Variants in GRIN3B observed in about 807,000 individuals in gnomAD.
The protein encoded by GRIN3B is glutamate ionotropic receptor NMDA type subunit 3B, also known as glutamate receptor ionotropic, NMDA 3B.
A neutral mutation model predicts 66.0 loss-of-function variants in GRIN3B; 77 were observed. The observed-to-expected ratio is 1.17, with a 90% CI of 0.97 to 1.41. The LOEUF (loss-of-function observed/expected upper bound fraction) is 1.41, where lower values mean the gene tolerates loss of function less well. Among genes scored for constraint, GRIN3B ranks in the 40% most tolerant of loss-of-function variants. The pLI, the probability that GRIN3B is intolerant of heterozygous loss-of-function variation, is 0.00. For synonymous variants in GRIN3B, 823 were observed against 749.7 expected (o/e 1.10, Z -1.60); for missense variants, 1,787 against 1,564.5 (o/e 1.14, Z -2.40).
chr19:1,005,776 G>A lies in GRIN3B; in HGVS notation c.2052+223G>A, dbSNP rs1489402124. On this transcript the variant is annotated intron_variant, in intron 3 of 8. Coordinates refer to ENST00000234389, the MANE Select transcript of GRIN3B (RefSeq NM_138690.3). The surrounding 1 kb of genome is among the most constrained non-coding windows in gnomAD (Gnocchi z 5.2). Reference sequence around the variant, plus strand: ...GCACTTTGGGAGACCAAGGCAGGCAGATCACCTGAAGTCAGGAGTCTCGAA... The same window carrying A: ...GCACTTTGGGAGACCAAGGCAGGCAAATCACCTGAAGTCAGGAGTCTCGAA... Among the ~76,000 whole-genome samples the A allele has an allele frequency of 1.3e-5, 2 of 152,132 alleles. No homozygotes were observed. The highest frequency in any genetic ancestry group is 4.8e-5 in the African/African-American group (2 of 41,428).
At chr19:1,008,547 C>T in intron 6 of GRIN3B, 71 bp from the exon 7 acceptor site, 5 of 1,530,148 alleles carry the variant, frequency 3.3e-6, no homozygotes, top group African/African-American at 1.4e-5. Context: ...AACCTGTTCT[C>T]CCCTAGTTCA....
rs1321587552 is a variant in GRIN3B, at chr19:1,009,632, C to T, written c.*30C>T. 4.3e-6 allele frequency: 6 copies of T among 1,380,358 alleles called. No individual in the cohort carries two copies. In the Admixed American group the frequency reaches 1.4e-4, roughly 31 times the overall value. 85.5% of individuals were successfully genotyped at this position (1,380,358 alleles called of 1,614,324 possible). On this transcript the variant is annotated 3_prime_UTR_variant, in exon 9 of 9. Transcript: ENST00000234389. ...GCAGCCGGGCCGTTTGGGCTCAAGA[C>T]ACACACACAGCGCAGTGAGCCGCTG...
Position 1,007,676 on chromosome 19 carries a change from A to C in GRIN3B, c.2101A>C (p.Ser701Arg). Reference sequence around the variant, plus strand: ...CCGCTTCGGCACCGTGTGGGAGAGCAGCGCCGAGGCGTACATCAAGAAGAG... The same window carrying C: ...CCGCTTCGGCACCGTGTGGGAGAGCCGCGCCGAGGCGTACATCAAGAAGAG... ...GFRFGTVWES[S>R]AEAYIKKSFP... Residue 701 changes from serine (S) to arginine (R), a missense_variant, in exon 4 of 9, where the codon AGC (serine) becomes CGC (arginine). Physicochemically the swap from Ser to Arg is moderately radical, Grantham distance 110. Coordinates refer to ENST00000234389, the MANE Select transcript of GRIN3B (RefSeq NM_138690.3). The surrounding 1 kb of genome is among the most constrained non-coding windows in gnomAD (Gnocchi z 4.4). 5 of 1,534,952 alleles carry C rather than the reference A, an allele frequency of 3.3e-6. No homozygotes were observed. The highest frequency in any genetic ancestry group is 4.4e-6 in the Non-Finnish European group (5 of 1,142,416).
rs573396231 is a variant in GRIN3B, at chr19:1,009,553, C to G, written c.3083C>G (p.Ala1028Gly). The G allele has an allele frequency of 1.2e-5, 11 of 898,802 alleles. No homozygotes were observed. Among genetic ancestry groups the G allele is most frequent in the African/African-American group, 1.2e-4 (5 of 41,946 alleles). The allele number at this position is 898,802 out of a possible 1,614,324, so 55.7% of individuals were successfully genotyped here. A position where few individuals can be genotyped will look rare whatever the true frequency, so the allele number is the denominator to read the frequency against. Residue 1028 changes from alanine to glycine, a missense_variant, in exon 9 of 9, where the codon GCC (alanine) becomes GGC (glycine). Transcript: ENST00000234389. ...RPRRLLQARA[A>G]PAEAPPHSGR... ...CGGCGCTTGCTTCAGGCCAGAGCGG[C>G]CCCCGCGGAGGCCCCACCACACTCT...
chr19:1,006,601 G>C (rs935082553), intron 3 of GRIN3B, among the ~76,000 whole-genome samples: 1 of 152,090 alleles, frequency 6.6e-6, no homozygotes, highest in African/African-American at 2.4e-5. Flanking sequence ...CATCGTGCCC[G>C]GCCTCCCCTT....
At chr19:1,001,392 A>G (rs1156871548) in intron 1 of GRIN3B, among the ~76,000 whole-genome samples, 5 of 151,632 alleles carry the variant, frequency 3.3e-5, no homozygotes, top group Non-Finnish European at 5.9e-5. Flanking sequence ...CCAAGATCCC[A>G]GAGCAGCCTC....
In GRIN3B at chr19:1,004,606, A is replaced by C. The variant is rs1214385863; in HGVS notation, c.1105A>C (p.Lys369Gln). The change falls in exon 3 of 9, where the codon AAG becomes CAG. Residue 369 changes from lysine (K) to glutamine (Q), a missense_variant. Lys to Gln is a moderately conservative substitution (Grantham distance 53). Coordinates refer to ENST00000234389, the MANE Select transcript of GRIN3B (RefSeq NM_138690.3). ...SSQVHMSRHFKVWSLRRDPRG... is the reference protein window; with the variant it reads ...SSQVHMSRHFQVWSLRRDPRG... ...CCAGGTACACATGTCTCGGCACTTT[A>C]AGGTGTGGAGCCTTCGCCGGGACCC... 6.3e-7 allele frequency: 1 copy of C among 1,596,260 alleles called. No individual in the cohort carries two copies. The highest frequency in any genetic ancestry group is 8.5e-7 in the Non-Finnish European group (1 of 1,170,998).
rs1405745160 is a variant in GRIN3B, at chr19:1,007,665, T to C, written c.2090T>C (p.Val697Ala). 14 of 1,533,434 alleles carry C rather than the reference T, an allele frequency of 9.1e-6. No homozygotes were observed. The highest frequency in any genetic ancestry group is 1.2e-5 in the Non-Finnish European group (14 of 1,141,974). 95.0% of individuals were successfully genotyped at this position (1,533,434 alleles called of 1,614,324 possible). A position where few individuals can be genotyped will look rare whatever the true frequency, so the allele number is the denominator to read the frequency against. The change falls in exon 4 of 9, where the codon GTG becomes GCG. Residue 697 changes from valine (V) to alanine (A), a missense_variant. Coordinates refer to ENST00000234389, the MANE Select transcript of GRIN3B (RefSeq NM_138690.3). The surrounding 1 kb of genome is among the most constrained non-coding windows in gnomAD (Gnocchi z 4.4). ...HPAQGFRFGTVWESSAEAYIK... is the reference protein window; with the variant it reads ...HPAQGFRFGTAWESSAEAYIK... ...GCGCAGGGCTTCCGCTTCGGCACCG[T>C]GTGGGAGAGCAGCGCCGAGGCGTAC... is the stretch of plus-strand genomic sequence containing the variant.
At position 1,007,371 on chromosome 19, in the gene GRIN3B, C is replaced by CG. The variant is rs1568392054; in HGVS notation, c.2053-257_2053-256insG. On this transcript the variant is annotated intron_variant, in intron 3 of 8. Coordinates refer to ENST00000234389, the MANE Select transcript of GRIN3B (RefSeq NM_138690.3). This position sits in a 1 kb window ranked among gnomAD's most constrained non-coding sequence, Gnocchi z 4.4. ...CGAGGTCCAGGTGGAGATGGACTTG[C>CG]CGGCGTTTAGAACAGAGGGTCTCCA... Among the ~76,000 whole-genome samples the CG allele has an allele frequency of 2.0e-5, 3 of 151,960 alleles. No individual in the cohort carries two copies. Among genetic ancestry groups the CG allele is most frequent in the Non-Finnish European group, 4.4e-5 (3 of 67,940 alleles).
rs963901670 is a variant in GRIN3B, at chr19:1,009,563, G to A, written c.3093G>A (p.Glu1031=). 3.3e-6 allele frequency: 3 copies of A among 895,698 alleles called. No homozygotes were observed. Among genetic ancestry groups the A allele is most frequent in the Admixed American group, 7.4e-5 (2 of 26,884 alleles). 55.5% of individuals were successfully genotyped at this position (895,698 alleles called of 1,614,324 possible). A position where few individuals can be genotyped will look rare whatever the true frequency, so the allele number is the denominator to read the frequency against. Residue 1031 remains glutamate (E), a synonymous_variant, in exon 9 of 9, where the codon GAG becomes GAA. Coordinates refer to ENST00000234389, the MANE Select transcript of GRIN3B (RefSeq NM_138690.3). ...TTCAGGCCAGAGCGGCCCCCGCGGAGGCCCCACCACACTCTGGCCGACCGG... is the reference window on the plus strand; with the variant it reads ...TTCAGGCCAGAGCGGCCCCCGCGGAAGCCCCACCACACTCTGGCCGACCGG... ...RLLQARAAPA[E]APPHSGRPGS...
chr19:1,001,462 C>T (rs1700445935), intron 1 of GRIN3B, among the ~76,000 whole-genome samples: 1 of 151,668 alleles, frequency 6.6e-6, no homozygotes, highest in South Asian at 2.1e-4. Flanking sequence ...TCAAGTTCCT[C>T]TCTTCTAACC....
rs762142729 is a variant in GRIN3B, at chr19:1,007,931, C to A, written c.2274C>A (p.Asp758Glu). 6 of 1,612,068 alleles carry A rather than the reference C, an allele frequency of 3.7e-6. No homozygotes were observed. The Middle Eastern group carries it at 4.9e-4, about 132-fold the overall frequency. Residue 758 changes from aspartate to glutamate, a missense_variant, in exon 5 of 9, where the codon GAC becomes GAA. Asp to Glu is a conservative substitution (Grantham distance 45). Transcript: ENST00000234389. This position sits in a 1 kb window ranked among gnomAD's most constrained non-coding sequence, Gnocchi z 4.4. Reference protein sequence around the residue: ...LLDYEVSIDADCKLLTVGKPF... With the variant: ...LLDYEVSIDAECKLLTVGKPF... ...ACTACGAGGTCTCCATCGACGCCGA[C>A]TGCAAACTGCTGACCGTGGGAAAGC...
rs61740285 is a variant in GRIN3B at position 1,005,187 on chromosome 19, G to A, written c.1686G>A (p.Thr562=). The change falls in exon 3 of 9, where the codon ACG becomes ACA. Residue 562 remains threonine, a synonymous_variant. Coordinates refer to ENST00000234389, the MANE Select transcript of GRIN3B (RefSeq NM_138690.3). The surrounding 1 kb of genome is among the most constrained non-coding windows in gnomAD (Gnocchi z 5.2). ...GCATCATGGTGCGGGCACGGGACAC[G>A]GCCTCACCCATCGGTGCCTTTATGT... ...SLGIMVRARD[T]ASPIGAFMWP... 5.4e-3 allele frequency: 8,693 copies of A among 1,613,514 alleles called. 180 individuals carry two copies. The African/African-American group carries it at 0.064, about 12-fold the overall frequency.
chr19:1,005,293 C>T lies in GRIN3B; in HGVS notation c.1792C>T (p.Arg598Cys), dbSNP rs139187576. ...GCTCTTCCTCACCGTGTACGAGTGG[C>T]GTAGCCCCTACGGCCTCACGCCACG... ...TALFLTVYEW[R>C]SPYGLTPRGR... is the part of the protein sequence containing the mutation. The change falls in exon 3 of 9, where the codon CGT becomes TGT. Residue 598 changes from arginine (R) to cysteine (C), a missense_variant. Physicochemically the swap from Arg to Cys is radical, Grantham distance 180 (BLOSUM62 -3). Coordinates refer to ENST00000234389, the MANE Select transcript of GRIN3B (RefSeq NM_138690.3). The surrounding 1 kb of genome is among the most constrained non-coding windows in gnomAD (Gnocchi z 5.2). 4.8e-4 allele frequency: 773 copies of T among 1,613,578 alleles called. 7 individuals are homozygous for T. In the African/African-American group the frequency reaches 9.0e-3, roughly 19 times the overall value.
chr19:1,008,825 T>G, intron 7 of GRIN3B, 32 bp from the exon 8 acceptor site: 9 of 1,378,258 alleles, frequency 6.5e-6, no homozygotes, highest in Non-Finnish European at 8.0e-6. Context: ...CCCCCCCGCC[T>G]CCTCGCCAAC....
At position 1,009,624 on chromosome 19, in the gene GRIN3B, G is replaced by C. The variant is rs1363370053; in HGVS notation, c.*22G>C. The C allele has an allele frequency of 1.4e-6, 2 of 1,405,766 alleles. No homozygotes were observed. The highest frequency in any genetic ancestry group is 2.9e-5 in the East Asian group (1 of 34,092). The allele number at this position is 1,405,766 out of a possible 1,614,324, so 87.1% of individuals were successfully genotyped here. A position where few individuals can be genotyped will look rare whatever the true frequency, so the allele number is the denominator to read the frequency against. Reference sequence around the variant, plus strand: ...ATGAGGCGGCAGCCGGGCCGTTTGGGCTCAAGACACACACACAGCGCAGTG... The same window carrying C: ...ATGAGGCGGCAGCCGGGCCGTTTGGCCTCAAGACACACACACAGCGCAGTG... On this transcript the variant is annotated 3_prime_UTR_variant, in exon 9 of 9. Coordinates refer to ENST00000234389, the MANE Select transcript of GRIN3B (RefSeq NM_138690.3).
At position 1,007,879 on chromosome 19, in the gene GRIN3B, C is replaced by A. The variant is rs749339005; in HGVS notation, c.2222C>A (p.Ala741Asp). 2 of 1,611,500 alleles carry A rather than the reference C, an allele frequency of 1.2e-6. No homozygotes were observed. Among genetic ancestry groups the A allele is most frequent in the Non-Finnish European group, 1.7e-6 (2 of 1,179,296 alleles). ...MLTSDPPKLN[A>D]FIMDKSLLDY... ...AGGAGCGACCCCCCCAAGCTCAACG[C>A]CTTCATCATGGACAAGTCGCTCCTG... The change falls in exon 5 of 9, where the codon GCC (alanine) becomes GAC (aspartate). Residue 741 changes from alanine to aspartate, a missense_variant. Physicochemically the swap from Ala to Asp is moderately radical, Grantham distance 126. Coordinates refer to ENST00000234389, the MANE Select transcript of GRIN3B (RefSeq NM_138690.3). This position sits in a 1 kb window ranked among gnomAD's most constrained non-coding sequence, Gnocchi z 4.4.
chr19:1,005,040 G>A lies in GRIN3B; in HGVS notation c.1539G>A (p.Trp513Ter). ...GKYGALRDGR[W>*]TGLVGDLLAG... is the part of the protein sequence containing the mutation. ...ACGGCGCCCTGCGGGACGGCCGCTG[G>A]ACCGGCCTGGTCGGGGACCTGCTGG... The change falls in exon 3 of 9, where the codon TGG becomes TGA. Residue 513 changes from tryptophan to a stop codon, truncating the protein, a stop_gained. Transcript: ENST00000234389. LOFTEE classifies it high-confidence loss of function. The surrounding 1 kb of genome is among the most constrained non-coding windows in gnomAD (Gnocchi z 5.2). The A allele has an allele frequency of 6.2e-7, 1 of 1,611,694 alleles. No homozygotes were observed. Among genetic ancestry groups the A allele is most frequent in the African/African-American group, 1.3e-5 (1 of 75,022 alleles).
chr19:1,009,289 C>G lies in GRIN3B; in HGVS notation c.2819C>G (p.Pro940Arg). 3.5e-6 allele frequency: 5 copies of G among 1,410,942 alleles called. No homozygotes were observed. The highest frequency in any genetic ancestry group is 4.6e-6 in the Non-Finnish European group (5 of 1,092,632). The allele number at this position is 1,410,942 out of a possible 1,614,324, so 87.4% of individuals were successfully genotyped here. A position where few individuals can be genotyped will look rare whatever the true frequency, so the allele number is the denominator to read the frequency against. The change falls in exon 9 of 9, where the codon CCC (proline) becomes CGC (arginine). Residue 940 changes from proline (P) to arginine (R), a missense_variant. By Grantham distance (103) the Pro-to-Arg change is moderately radical (BLOSUM62 -2). Coordinates refer to ENST00000234389, the MANE Select transcript of GRIN3B (RefSeq NM_138690.3). ...CGCCGCGTGCGCTTCCTGCTGGAGCCCGCCGTGGTTGTGGCACCCGAAGCG... is the reference window on the plus strand; with the variant it reads ...CGCCGCGTGCGCTTCCTGCTGGAGCGCGCCGTGGTTGTGGCACCCGAAGCG... The part of the protein sequence containing the change: ...KERRVRFLLE[P>R]AVVVAPEADA...
Sources: allele counts gnomAD v4.1 joint callset (sites outside exome capture counted in the v4.1 genomes callset), GRCh38; gene constraint gnomAD v4.1.1; non-coding constraint Gnocchi (gnomAD v3.1); transcripts MANE v1.5; gene names NCBI Gene and HGNC (gene_info 2026-07-23, HGNC 2026-07-21).